Variants in VEZT observed in about 807,000 individuals in gnomAD.
The protein encoded by VEZT is vezatin, adherens junctions transmembrane protein, also known as vezatin.
Under a neutral mutation model 79.9 loss-of-function variants are expected in VEZT, and 39 were observed. The observed-to-expected ratio is 0.49, with a 90% confidence interval of 0.38 to 0.64. The LOEUF (loss-of-function observed/expected upper bound fraction) is 0.64. Among genes scored for constraint, VEZT ranks in the 30% least tolerant of loss-of-function variants. The pLI is 0.00. For synonymous variants in VEZT, 325 were observed against 327.6 expected (o/e 0.99, Z 0.09); for missense variants, 837 against 893.1 (o/e 0.94, Z 0.80).
chr12:95,298,017 G>A lies in VEZT; in HGVS notation c.1831+1759G>A, dbSNP rs554943891. Among the ~76,000 whole-genome samples the A allele has an allele frequency of 3.3e-5, 5 of 152,208 alleles. No individual in the cohort carries two copies. The East Asian group carries it at 9.7e-4, about 29-fold the overall frequency. On this transcript the variant is annotated intron_variant, in intron 11 of 11. Coordinates refer to ENST00000436874, the MANE Select transcript of VEZT (RefSeq NM_017599.4). The stretch of plus-strand genomic sequence containing the variant: ...CACCTATAATCCCAGCTGCTCTGGA[G>A]GCTGAGGCAGGAGAATCGCTTGAAC...
At chr12:95,218,150 C>T (rs1239637630) in intron 1 of VEZT, 7 of 339,508 alleles carry the variant, frequency 2.1e-5, no homozygotes, top group Non-Finnish European at 3.8e-5. Flanking sequence ...TGGGCTGGAG[C>T]GGTGTCTCTT....
chr12:95,251,571 T>C (rs536982573), intron 1 of VEZT, among the ~76,000 whole-genome samples: 1 of 152,332 alleles, frequency 6.6e-6, no homozygotes, highest in Non-Finnish European at 1.5e-5. Context: ...AATAACATTG[T>C]CGTTTGAGTT....
intron 1 of VEZT, among the ~76,000 whole-genome samples, chr12:95,235,668 G>T (rs2060011706): frequency 7.1e-6 from 1 of 141,646 alleles, no homozygotes; most frequent in South Asian, 2.3e-4. Context: ...CGGGCGGGGG[G>T]CTGACCCCCA....
intron 1 of VEZT, among the ~76,000 whole-genome samples, chr12:95,222,176 T>C (rs2057719218): frequency 6.6e-6 from 1 of 152,230 alleles, no homozygotes; most frequent in Non-Finnish European, 1.5e-5. Context: ...AAGCTCCTTA[T>C]TATAATCCAA....
At chr12:95,286,171 T>C in intron 8 of VEZT, 1 of 232,384 alleles carries the variant, frequency 4.3e-6, no homozygotes, top group Admixed American at 5.6e-5. Flanking sequence ...TTTTATACTT[T>C]TGTAGAGACG....
chr12:95,269,424 C>A (rs1335214996), intron 5 of VEZT, among the ~76,000 whole-genome samples: 3 of 152,116 alleles, frequency 2.0e-5, no homozygotes, highest in African/African-American at 7.2e-5. Flanking sequence ...TGTTATCTTT[C>A]CACGTCCCCT....
At chr12:95,258,384 A>T (rs915518829) in intron 3 of VEZT, 10 of 424,092 alleles carry the variant, frequency 2.4e-5, no homozygotes, top group Non-Finnish European at 4.8e-5. Context: ...CACATGTTTC[A>T]TGTGATGTTT....
At chr12:95,271,496 G>T (rs1207020315) in intron 6 of VEZT, among the ~76,000 whole-genome samples, 1 of 152,172 alleles carries the variant, frequency 6.6e-6, no homozygotes, top group Non-Finnish European at 1.5e-5. Flanking sequence ...TGACATCTAA[G>T]TTGAGCTTCA....
intron 1 of VEZT, among the ~76,000 whole-genome samples, chr12:95,227,410 G>C (rs555723320): frequency 6.2e-4 from 93 of 148,826 alleles, no homozygotes; most frequent in African/African-American, 2.2e-3. Context: ...GCGTGATCTC[G>C]GGTCACTGCA....
intron 11 of VEZT, 125 bp downstream of exon 11, chr12:95,296,383 A>G: frequency 1.3e-6 from 1 of 759,586 alleles, no homozygotes; most frequent in Admixed American, 3.7e-5. Flanking sequence ...TATGCATAGT[A>G]CTTTTTCTTC....
chr12:95,235,874 G>T (rs894821800), intron 1 of VEZT, among the ~76,000 whole-genome samples: 2 of 151,902 alleles, frequency 1.3e-5, no homozygotes, highest in Non-Finnish European at 2.9e-5. Flanking sequence ...TGGCAGGGCA[G>T]AGGCGCTCCC....
intron 9 of VEZT, among the ~76,000 whole-genome samples, chr12:95,291,935 A>G (rs771287894): frequency 1.4e-4 from 22 of 152,256 alleles, no homozygotes; most frequent in African/African-American, 4.8e-4. Context: ...AATAGCTGGA[A>G]CTACAGCCAT....
chr12:95,289,480 A>G (rs1451446018), intron 9 of VEZT, among the ~76,000 whole-genome samples: 1 of 151,168 alleles, frequency 6.6e-6, no homozygotes, highest in African/African-American at 2.4e-5. Context: ...TTAGCACACT[A>G]TGAGATGTTG....
chr12:95,275,028 T>C (rs1418658132), intron 7 of VEZT, 139 bp downstream of exon 7: 2 of 1,030,750 alleles, frequency 1.9e-6, no homozygotes, highest in Non-Finnish European at 2.6e-6. Flanking sequence ...CGGGTGATGT[T>C]TGTAACTCTG....
chr12:95,233,298 C>G (rs1434484758), intron 1 of VEZT, among the ~76,000 whole-genome samples: 1 of 152,006 alleles, frequency 6.6e-6, no homozygotes, highest in Non-Finnish European at 1.5e-5. Flanking sequence ...AAAGGATCAG[C>G]TCTCCCTTAA....
intron 1 of VEZT, among the ~76,000 whole-genome samples, chr12:95,246,109 C>A (rs972459621): frequency 6.6e-6 from 1 of 152,012 alleles, no homozygotes; most frequent in African/African-American, 2.4e-5. Context: ...GATCTGATAT[C>A]TTTTCTTTTT....
chr12:95,295,954 T>C (rs2074049485), intron 10 of VEZT, 97 bp from the exon 11 acceptor site: 1 of 961,642 alleles, frequency 1.0e-6, no homozygotes, highest in Non-Finnish European at 1.5e-6. Flanking sequence ...CAAGTCCTTT[T>C]TTTTTAATCT....
intron 1 of VEZT, among the ~76,000 whole-genome samples, chr12:95,248,715 C>T (rs886162277): frequency 5.3e-5 from 8 of 151,068 alleles, no homozygotes; most frequent in Admixed American, 2.0e-4. Flanking sequence ...GAGGAGGGCA[C>T]GATGGCTTGC....
At chr12:95,225,233 G>C (rs1217994494) in intron 1 of VEZT, among the ~76,000 whole-genome samples, 1 of 152,202 alleles carries the variant, frequency 6.6e-6, no homozygotes, top group African/African-American at 2.4e-5. Flanking sequence ...CTCTATCAAA[G>C]TTGCTATATG....
Sources: gnomAD v4.1 joint callset for allele counts (sites outside exome capture counted in the v4.1 genomes callset) on GRCh38, gnomAD v4.1.1 for gene constraint, MANE v1.5 for transcripts, NCBI Gene and HGNC (gene_info 2026-07-23, HGNC 2026-07-21) for gene names.